NEXN: variants seen among roughly 807,000 people sequenced by gnomAD.
NEXN encodes nexilin.
NEXN carries 65 observed loss-of-function variants against 92.6 expected under a neutral mutation model. The observed-to-expected ratio is 0.70, with a 90% confidence interval of 0.57 to 0.86. NEXN has a LOEUF of 0.86. Among genes scored for constraint, NEXN ranks in the 40% least tolerant of loss-of-function variants. The probability of loss-of-function intolerance (pLI) is 0.00; values close to 1 mark genes in which losing one functional copy is unlikely to be tolerated. For synonymous variants in NEXN, 254 were observed against 242.5 expected (o/e 1.05, Z -0.44); for missense variants, 778 against 771.1 (o/e 1.01, Z -0.11).
At chr1:77,925,251 T>C in intron 6 of NEXN, 22 bp downstream of exon 6, 1 of 1,554,188 alleles carries the variant, frequency 6.4e-7, no homozygotes, top group African/African-American at 1.4e-5. Context: ...TTTCCTTTAA[T>C]GAAACATTCA....
At chr1:77,910,759 A>AAC (rs1330547477) in intron 1 of NEXN, among the ~76,000 whole-genome samples, 3 of 119,814 alleles carry the variant, frequency 2.5e-5, no homozygotes, top group African/African-American at 6.0e-5. Context: ...AAAAAAAAAA[A>AAC]AAAAAAAAAA....
chr1:77,933,445 A>G lies in NEXN; in HGVS notation c.1217A>G (p.Gln406Arg). 3 of 1,613,256 alleles carry G rather than the reference A, an allele frequency of 1.9e-6. No individual in the cohort carries two copies. Among genetic ancestry groups the G allele is most frequent in the Non-Finnish European group, 1.7e-6 (2 of 1,179,394 alleles). Residue 406 changes from glutamine to arginine, a missense_variant, in exon 10 of 13, where the codon CAA becomes CGA. Gln to Arg is a conservative substitution (Grantham distance 43). Transcript: ENST00000334785. ...ERKHKLEMEKQEFEQLRQEMG... is the reference protein window; with the variant it reads ...ERKHKLEMEKREFEQLRQEMG... ...AAGCATAAGCTAGAAATGGAGAAAC[A>G]AGAATTTGAACAACTGAGACAGGAA...
chr1:77,938,583 C>T (rs1187410052), intron 11 of NEXN, among the ~76,000 whole-genome samples: 2 of 83,366 alleles, frequency 2.4e-5, no homozygotes, highest in Non-Finnish European at 4.8e-5. Flanking sequence ...CAGAGCAAGA[C>T]TGTCTCAAAA....
intron 1 of NEXN, among the ~76,000 whole-genome samples, chr1:77,908,386 C>G (rs1159394698): frequency 3.0e-5 from 4 of 135,568 alleles, no homozygotes; most frequent in Admixed American, 7.6e-5. Context: ...CACCCCTCCC[C>G]TACCTCTATT....
At chr1:77,901,501 C>G (rs185334863) in intron 1 of NEXN, among the ~76,000 whole-genome samples, 3 of 151,946 alleles carry the variant, frequency 2.0e-5, no homozygotes, top group Non-Finnish European at 4.4e-5. Context: ...CTCTTAGAAC[C>G]ACATGTTCAA....
intron 1 of NEXN, among the ~76,000 whole-genome samples, chr1:77,893,730 G>A (rs962325816): frequency 6.6e-6 from 1 of 152,072 alleles, no homozygotes; most frequent in Non-Finnish European, 1.5e-5. Flanking sequence ...GATATACTTC[G>A]AAAAGTATCA....
In NEXN at chr1:77,942,466, A is replaced by C; in HGVS notation, c.1665A>C (p.Arg555Ser). The change falls in exon 13 of 13, where the codon AGA becomes AGC. Residue 555 changes from arginine to serine, a missense_variant. Arg to Ser is a moderately radical substitution (Grantham distance 110). Coordinates refer to ENST00000334785, the MANE Select transcript of NEXN (RefSeq NM_144573.4). ...REIDAALQKK[R>S]EEEEEEEGSI... is the part of the protein sequence containing the mutation. Reference sequence around the variant, plus strand: ...ATGCATTTATTTTAATACAGAAAAGAGAAGAGGAGGAGGAGGAAGAAGGTA... The same window carrying C: ...ATGCATTTATTTTAATACAGAAAAGCGAAGAGGAGGAGGAGGAAGAAGGTA... 5 of 1,613,530 alleles carry C rather than the reference A, an allele frequency of 3.1e-6. No homozygotes were observed. The highest frequency in any genetic ancestry group is 4.2e-6 in the Non-Finnish European group (5 of 1,179,636).
intron 1 of NEXN, among the ~76,000 whole-genome samples, chr1:77,891,083 G>A (rs1309728865): frequency 1.3e-5 from 2 of 152,016 alleles, no homozygotes; most frequent in Non-Finnish European, 2.9e-5. Flanking sequence ...CATTTGAAAT[G>A]GCTACATTTT....
At chr1:77,903,288 C>CCTATT (rs939184660) in intron 1 of NEXN, among the ~76,000 whole-genome samples, 2 of 150,726 alleles carry the variant, frequency 1.3e-5, no homozygotes, top group Non-Finnish European at 3.0e-5. Context: ...ACTTTTAAAA[C>CCTATT]CTATTTTTTT....
At chr1:77,904,002 TA>T (rs1400362485) in intron 1 of NEXN, among the ~76,000 whole-genome samples, 1 of 152,172 alleles carries the variant, frequency 6.6e-6, no homozygotes, top group Non-Finnish European at 1.5e-5. Flanking sequence ...TTTTTATTTT[TA>T]TTTTTTTGTG....
intron 1 of NEXN, among the ~76,000 whole-genome samples, chr1:77,901,748 G>C (rs1298645311): frequency 6.6e-6 from 1 of 152,092 alleles, no homozygotes; most frequent in African/African-American, 2.4e-5. Flanking sequence ...TTTTTGTGGG[G>C]GGATTTTCTT....
chr1:77,928,999 G>A (rs1331185005), intron 8 of NEXN, among the ~76,000 whole-genome samples: 48 of 152,164 alleles, frequency 3.2e-4, no homozygotes, highest in Admixed American at 3.1e-3. Context: ...TGATCCTCCT[G>A]CCTCCTAAAG....
chr1:77,896,170 C>CAATAAATAAATAAGTA (rs1647241735), intron 1 of NEXN, among the ~76,000 whole-genome samples: 1 of 144,248 alleles, frequency 6.9e-6, no homozygotes, highest in Non-Finnish European at 1.5e-5. Context: ...GACTTTGTCT[C>CAATAAATAAATAAGTA]AATAAATAAA....
At chr1:77,891,932 A>G (rs1409617570) in intron 1 of NEXN, among the ~76,000 whole-genome samples, 2 of 151,530 alleles carry the variant, frequency 1.3e-5, no homozygotes, top group East Asian at 1.9e-4. Flanking sequence ...AAAATTTAAA[A>G]ATTAGCCAGA....
At position 77,918,158 on chromosome 1, in the gene NEXN, AACAAAG is replaced by A; in HGVS notation, c.337_342del (p.Arg113_Gln114del). 2 of 1,614,096 alleles carry A rather than the reference AACAAAG, an allele frequency of 1.2e-6. No homozygotes were observed. Among genetic ancestry groups the A allele is most frequent in the Non-Finnish European group, 1.7e-6 (2 of 1,180,002 alleles). Reference sequence around the variant, plus strand: ...AAGGGTAGATTTGCTGAAATGGAGAAACAAAGACAAGAGGAACAAAGGAAGAGAACG... The same window carrying A: ...AAGGGTAGATTTGCTGAAATGGAGAAACAAGAGGAACAAAGGAAGAGAACG... On this transcript the variant is annotated inframe_deletion, in exon 5 of 13. Transcript: ENST00000334785.
intron 1 of NEXN, among the ~76,000 whole-genome samples, chr1:77,908,442 C>T (rs1212051407): frequency 7.3e-6 from 1 of 136,300 alleles, no homozygotes; most frequent in Non-Finnish European, 1.5e-5. Context: ...CTCTTGTTGC[C>T]CAGGCTGGAG....
chr1:77,903,448 T>C lies in NEXN; in HGVS notation c.-52-12607T>C, dbSNP rs559851079. Among the ~76,000 whole-genome samples the C allele has an allele frequency of 1.6e-4, 24 of 152,292 alleles. 1 individual carries two copies. The East Asian group carries it at 3.1e-3, about 20-fold the overall frequency. ...TGGATTCCGGCACCTATTGAAAAGA[T>C]TGAATAATTTGAAAATGTTTATCAG... is the stretch of plus-strand genomic sequence containing the variant. On this transcript the variant is annotated intron_variant, in intron 1 of 12. Transcript: ENST00000334785.
rs1317114598 is a variant in NEXN, at chr1:77,925,214, T to C, written c.474T>C (p.Thr158=). ...EQIEDINNTG[T]ESASEEGDDS... ...TTGAGGACATAAACAATACGGGAAC[T>C]GAATCAGCATCAGAGGTAAACAGAC... The change falls in exon 6 of 13, where the codon ACT becomes ACC. Residue 158 remains threonine (T), a synonymous_variant. Transcript: ENST00000334785. The C allele has an allele frequency of 1.3e-6, 2 of 1,597,774 alleles. No homozygotes were observed. Among genetic ancestry groups the C allele is most frequent in the African/African-American group, 2.7e-5 (2 of 74,628 alleles).
chr1:77,919,349 G>A (rs983306164), intron 5 of NEXN, among the ~76,000 whole-genome samples: 3 of 152,200 alleles, frequency 2.0e-5, no homozygotes, highest in Admixed American at 6.5e-5. Flanking sequence ...CATACATTAA[G>A]TGCTTTCAGT....
Sources: allele counts gnomAD v4.1 joint callset (sites outside exome capture counted in the v4.1 genomes callset), GRCh38; gene constraint gnomAD v4.1.1; transcripts MANE v1.5; gene names NCBI Gene and HGNC (gene_info 2026-07-23, HGNC 2026-07-21).